Variants in ST3GAL3 observed in about 807,000 individuals in gnomAD.
ST3GAL3 encodes CMP-N-acetylneuraminate-beta-1,4-galactoside alpha-2,3-sialyltransferase.
Under a neutral mutation model 50.1 loss-of-function variants are expected in ST3GAL3, and 21 were observed. The ratio of observed to expected loss-of-function variants is 0.42; its 90% CI spans 0.30 to 0.60. The LOEUF (loss-of-function observed/expected upper bound fraction) is 0.60. Among genes scored for constraint, ST3GAL3 ranks in the 20% least tolerant of loss-of-function variants. The probability of loss-of-function intolerance (pLI) is 0.19; values close to 1 mark genes in which losing one functional copy is unlikely to be tolerated. For synonymous variants in ST3GAL3, 183 were observed against 190.0 expected, an observed-to-expected ratio of 0.96 and a Z score of 0.30; for missense variants, 353 against 489.4, an observed-to-expected ratio of 0.72 and a Z score of 2.63.
At chr1:43,862,993 G>A (rs1007384961) in intron 5 of ST3GAL3, among the ~76,000 whole-genome samples, 1 of 152,168 alleles carries the variant, frequency 6.6e-6, no homozygotes, top group African/African-American at 2.4e-5. Flanking sequence ...AAAACATTGA[G>A]TTTGACGGTC....
intron 11 of ST3GAL3, among the ~76,000 whole-genome samples, chr1:43,926,707 A>G (rs1248010058): frequency 3.3e-5 from 5 of 152,208 alleles, no homozygotes; most frequent in African/African-American, 1.2e-4. Context: ...CAGGATGACC[A>G]GAATCCTCCA....
chr1:43,724,297 G>A (rs953537115), intron 1 of ST3GAL3, among the ~76,000 whole-genome samples: 1 of 151,772 alleles, frequency 6.6e-6, no homozygotes, highest in African/African-American at 2.4e-5. Context: ...TGCAACGTCT[G>A]CCTCCCATGC....
intron 4 of ST3GAL3, among the ~76,000 whole-genome samples, chr1:43,820,089 G>T (rs1023401822): frequency 6.6e-6 from 1 of 152,070 alleles, no homozygotes; most frequent in Non-Finnish European, 1.5e-5. Flanking sequence ...AACTAAACAT[G>T]ATACTGCTAC....
intron 1 of ST3GAL3, among the ~76,000 whole-genome samples, chr1:43,728,128 G>A (rs919675142): frequency 6.6e-6 from 1 of 152,044 alleles, no homozygotes; most frequent in African/African-American, 2.4e-5. Context: ...GTGGTATTTG[G>A]TTTTCTGTTC....
At chr1:43,728,590 A>T (rs544379048) in intron 1 of ST3GAL3, among the ~76,000 whole-genome samples, 1 of 152,090 alleles carries the variant, frequency 6.6e-6, no homozygotes, top group Non-Finnish European at 1.5e-5. Context: ...ACAAAAAGTT[A>T]AAAAAATTTT....
intron 9 of ST3GAL3, among the ~76,000 whole-genome samples, chr1:43,907,394 A>C (rs2079981362): frequency 6.6e-6 from 1 of 152,138 alleles, no homozygotes; most frequent in Non-Finnish European, 1.5e-5. Flanking sequence ...AGCTACAGCC[A>C]AGGTGGTAAC....
chr1:43,931,072 C>T lies in ST3GAL3; in HGVS notation c.*851C>T, dbSNP rs1253534440. ...GGTTGGGTTCTGCCTTTAGCCTGGA[C>T]CAAAGGGAAGTGAGGCCCAAGGAGC... On this transcript the variant is annotated 3_prime_UTR_variant, in exon 12 of 12. Coordinates refer to ENST00000347631, the MANE Select transcript of ST3GAL3 (RefSeq NM_006279.5). 1 of 152,850 alleles carries T rather than the reference C, an allele frequency of 6.5e-6. No individual in the cohort carries two copies. Among genetic ancestry groups the T allele is most frequent in the African/African-American group, 2.4e-5 (1 of 41,464 alleles). The allele number at this position is 152,850 out of a possible 1,614,324, so 9.5% of individuals were successfully genotyped here. A position where few individuals can be genotyped will look rare whatever the true frequency, so the allele number is the denominator to read the frequency against.
intron 5 of ST3GAL3, among the ~76,000 whole-genome samples, chr1:43,874,905 G>A (rs964507011): frequency 6.6e-6 from 1 of 152,132 alleles, no homozygotes; most frequent in Non-Finnish European, 1.5e-5. Flanking sequence ...TGACTGAGCT[G>A]ATAACATATA....
At chr1:43,828,067 A>G (rs1024243138) in intron 4 of ST3GAL3, among the ~76,000 whole-genome samples, 1 of 152,222 alleles carries the variant, frequency 6.6e-6, no homozygotes, top group African/African-American at 2.4e-5. Context: ...AAATAGATCA[A>G]TAGAATAGGA....
intron 5 of ST3GAL3, among the ~76,000 whole-genome samples, chr1:43,883,327 T>G (rs1469347478): frequency 6.6e-6 from 1 of 152,070 alleles, no homozygotes; most frequent in Non-Finnish European, 1.5e-5. Context: ...CCCAGACATG[T>G]GCCCATCCCA....
Position 43,838,787 on chromosome 1 carries a change from C to T in ST3GAL3, c.302+476C>T, listed in dbSNP as rs573375551. ...CTGTCCATTTTGCATTCTGGAGCTG[C>T]TGACTTCTTTGGCACCTGAAAGAAT... On this transcript the variant is annotated intron_variant, in intron 5 of 11. Coordinates refer to ENST00000347631, the MANE Select transcript of ST3GAL3 (RefSeq NM_006279.5). The T allele has an allele frequency of 5.3e-5, 12 of 227,804 alleles. No individual in the cohort carries two copies. The South Asian group carries it at 7.0e-4, about 13-fold the overall frequency. The allele number at this position is 227,804 out of a possible 1,614,324, so 14.1% of individuals were successfully genotyped here.
At chr1:43,774,064 T>G (rs1186527130) in intron 2 of ST3GAL3, among the ~76,000 whole-genome samples, 2 of 148,958 alleles carry the variant, frequency 1.3e-5, no homozygotes, top group Non-Finnish European at 3.0e-5. Context: ...CTGTTTCTAA[T>G]TATAAGAGGC....
chr1:43,871,279 G>A (rs1214802827), intron 5 of ST3GAL3, among the ~76,000 whole-genome samples: 1 of 152,192 alleles, frequency 6.6e-6, no homozygotes, highest in East Asian at 1.9e-4. Flanking sequence ...GTAACAACGA[G>A]GGGACCAGAA....
intron 2 of ST3GAL3, among the ~76,000 whole-genome samples, chr1:43,787,611 A>C (rs1477359929): frequency 6.6e-6 from 1 of 152,356 alleles, no homozygotes; most frequent in African/African-American, 2.4e-5. Context: ...AAAATGTGTG[A>C]TCGTAAGAGC....
chr1:43,861,083 G>A (rs2069813531), intron 5 of ST3GAL3, among the ~76,000 whole-genome samples: 1 of 152,190 alleles, frequency 6.6e-6, no homozygotes, highest in African/African-American at 2.4e-5. Context: ...AGCAAAGATG[G>A]AATACAGCTG....
At chr1:43,886,831 C>T (rs989437486) in intron 5 of ST3GAL3, among the ~76,000 whole-genome samples, 5 of 152,138 alleles carry the variant, frequency 3.3e-5, no homozygotes, top group Admixed American at 2.6e-4. Flanking sequence ...ATGGCCAGGA[C>T]GCTTTGTCGA....
Position 43,870,437 on chromosome 1 carries a change from G to C in ST3GAL3, c.303-23946G>C, listed in dbSNP as rs180911920. Among the ~76,000 whole-genome samples, 336 of 152,342 alleles carry C rather than the reference G, an allele frequency of 2.2e-3. 2 individuals carry two copies. Among genetic ancestry groups the C allele is most frequent in the African/African-American group, 7.8e-3 (323 of 41,590 alleles). On this transcript the variant is annotated intron_variant, in intron 5 of 11. Coordinates refer to ENST00000347631, the MANE Select transcript of ST3GAL3 (RefSeq NM_006279.5). The stretch of plus-strand genomic sequence containing the variant: ...AGCAGGGAAGCCCAGGTCTGGGGAG[G>C]GGAACCTGGGACAGCGCAGAGCACA...
intron 4 of ST3GAL3, among the ~76,000 whole-genome samples, chr1:43,836,845 C>T (rs554710303): frequency 1.3e-5 from 2 of 152,338 alleles, no homozygotes; most frequent in South Asian, 4.1e-4. Context: ...TGACTCCAGA[C>T]CCACATTGAA....
At chr1:43,745,286 G>T (rs1308774916) in intron 2 of ST3GAL3, among the ~76,000 whole-genome samples, 1 of 152,218 alleles carries the variant, frequency 6.6e-6, no homozygotes, top group East Asian at 1.9e-4. Context: ...TTGCATAAGG[G>T]ATGGGGGATG....
Sources: allele counts gnomAD v4.1 joint callset (sites outside exome capture counted in the v4.1 genomes callset), GRCh38; gene constraint gnomAD v4.1.1; transcripts MANE v1.5; gene names NCBI Gene and HGNC (gene_info 2026-07-23, HGNC 2026-07-21).